The following TTC28 variants were observed in gnomAD, a reference collection of about 807,000 sequenced individuals.
The protein encoded by TTC28 is tetratricopeptide repeat protein 28.
In TTC28, 61 loss-of-function variants were observed where a neutral mutation model predicts 198.0. That is an observed-to-expected ratio of 0.31 (90% CI 0.25 to 0.38). The LOEUF (loss-of-function observed/expected upper bound fraction) is 0.38, where lower values mean the gene tolerates loss of function less well. Among genes scored for constraint, TTC28 ranks in the 10% least tolerant of loss-of-function variants. The pLI, the probability that TTC28 is intolerant of heterozygous loss-of-function variation, is 1.00. For missense variants in TTC28, 2,678 were observed against 3,164.0 expected, an observed-to-expected ratio of 0.85 and a Z score of 3.69; for synonymous variants, 1,171 against 1,297.8, an observed-to-expected ratio of 0.90 and a Z score of 2.10.
intron 12 of TTC28, among the ~76,000 whole-genome samples, chr22:28,035,385 A>C (rs1239437580): frequency 6.6e-6 from 1 of 152,202 alleles, no homozygotes; most frequent in Non-Finnish European, 1.5e-5. Flanking sequence ...CTTCTTTCAA[A>C]GCAAGGATCT....
chr22:28,188,087 A>G (rs1017757959), intron 5 of TTC28, among the ~76,000 whole-genome samples: 2 of 152,226 alleles, frequency 1.3e-5, no homozygotes, highest in Non-Finnish European at 2.9e-5. Context: ...ACTCGCTCAC[A>G]GTTTAGGCGG....
chr22:28,032,175 T>TATATATATATAAAATATATATATATAAA (rs1394968803), intron 12 of TTC28, among the ~76,000 whole-genome samples: 1 of 79,086 alleles, frequency 1.3e-5, no homozygotes, highest in Non-Finnish European at 2.3e-5. Flanking sequence ...TGTGTATATA[T>TATATATATATAAAATATATATATATAAA]ATATATATAT....
At chr22:28,246,348 C>A (rs544226311) in intron 5 of TTC28, among the ~76,000 whole-genome samples, 28 of 152,158 alleles carry the variant, frequency 1.8e-4, no homozygotes, top group Non-Finnish European at 3.7e-4. Flanking sequence ...CAAGGTCTGG[C>A]ATAAAACAGG....
chr22:28,178,481 G>A (rs1052941412), intron 5 of TTC28, among the ~76,000 whole-genome samples: 2 of 151,894 alleles, frequency 1.3e-5, no homozygotes, highest in African/African-American at 4.8e-5. Context: ...AGAGGAACGG[G>A]GGAGGGGAGG....
At chr22:28,450,318 A>T (rs1311194942) in intron 2 of TTC28, among the ~76,000 whole-genome samples, 1 of 152,202 alleles carries the variant, frequency 6.6e-6, no homozygotes, top group Non-Finnish European at 1.5e-5. Flanking sequence ...TTCACTGCTC[A>T]GATGGAATGT....
At chr22:28,352,312 C>CATATATATATATATATATATATAT (rs35793503) in intron 2 of TTC28, among the ~76,000 whole-genome samples, 22 of 142,764 alleles carry the variant, frequency 1.5e-4, no homozygotes, top group African/African-American at 5.6e-4. Context: ...GAGATATATA[C>CATATATATATATATATATATATAT]ATATATATAT....
At chr22:28,440,805 T>A (rs1463226634) in intron 2 of TTC28, among the ~76,000 whole-genome samples, 1 of 152,192 alleles carries the variant, frequency 6.6e-6, no homozygotes, top group Non-Finnish European at 1.5e-5. Flanking sequence ...AAAATAAACC[T>A]AATCTTTGTA....
At chr22:28,052,670 T>C (rs1272848357) in intron 12 of TTC28, among the ~76,000 whole-genome samples, 1 of 152,236 alleles carries the variant, frequency 6.6e-6, no homozygotes, top group Non-Finnish European at 1.5e-5. Context: ...AAAATTGTGT[T>C]GGCTATGGGG....
intron 2 of TTC28, among the ~76,000 whole-genome samples, chr22:28,609,076 A>G (rs956684361): frequency 6.6e-6 from 1 of 152,212 alleles, no homozygotes; most frequent in Non-Finnish European, 1.5e-5. Context: ...ACTGTTCATG[A>G]TAAGAAAATC....
At chr22:28,345,535 C>A (rs1220109749) in intron 2 of TTC28, among the ~76,000 whole-genome samples, 1 of 152,188 alleles carries the variant, frequency 6.6e-6, no homozygotes, top group Non-Finnish European at 1.5e-5. Context: ...TGAGCTTGCT[C>A]ACAGAGCCCA....
chr22:28,110,701 G>A (rs1302873728), intron 6 of TTC28, among the ~76,000 whole-genome samples: 2 of 152,148 alleles, frequency 1.3e-5, no homozygotes, highest in Non-Finnish European at 2.9e-5. Context: ...TTGGAAGGCT[G>A]AGGCAAGAGG....
intron 14 of TTC28, among the ~76,000 whole-genome samples, chr22:28,009,313 G>A (rs571512721): frequency 3.3e-5 from 5 of 152,214 alleles, no homozygotes; most frequent in African/African-American, 7.2e-5. Context: ...ATAGGACTGC[G>A]GCTAAACAAA....
chr22:28,408,601 G>A (rs755525123), intron 2 of TTC28, among the ~76,000 whole-genome samples: 10 of 152,186 alleles, frequency 6.6e-5, no homozygotes, highest in Admixed American at 2.6e-4. Flanking sequence ...ATGTTTGTCA[G>A]GCTGGTCTTG....
At chr22:28,627,432 T>C (rs923859197) in intron 2 of TTC28, among the ~76,000 whole-genome samples, 2 of 150,866 alleles carry the variant, frequency 1.3e-5, no homozygotes, top group South Asian at 2.1e-4. Flanking sequence ...AATTTTTCTT[T>C]TTCTTTTTTT....
At chr22:28,407,857 T>C (rs1489678123) in intron 2 of TTC28, among the ~76,000 whole-genome samples, 1 of 152,242 alleles carries the variant, frequency 6.6e-6, no homozygotes, top group Non-Finnish European at 1.5e-5. Flanking sequence ...CTATTGGATC[T>C]GGCATTATGC....
chr22:28,646,235 A>T (rs889725035), intron 1 of TTC28, among the ~76,000 whole-genome samples: 2 of 152,208 alleles, frequency 1.3e-5, no homozygotes, highest in Non-Finnish European at 2.9e-5. Context: ...ATGTACACAG[A>T]TCAGTGGCAC....
chr22:27,984,643 G>A (rs1404489467), intron 22 of TTC28, among the ~76,000 whole-genome samples: 3 of 152,100 alleles, frequency 2.0e-5, no homozygotes, highest in Non-Finnish European at 2.9e-5. Flanking sequence ...TCCCCAAACC[G>A]AATGTGTCCC....
At chr22:28,679,150 A>G (rs2052049453) in intron 1 of TTC28, among the ~76,000 whole-genome samples, 1 of 152,208 alleles carries the variant, frequency 6.6e-6, no homozygotes, top group Non-Finnish European at 1.5e-5. Flanking sequence ...AGCCACCGAC[A>G]GACTTGCTCG....
At chr22:28,145,003 A>T (rs1569161284) in intron 6 of TTC28, among the ~76,000 whole-genome samples, 1 of 152,252 alleles carries the variant, frequency 6.6e-6, no homozygotes, top group African/African-American at 2.4e-5. Flanking sequence ...CAGCTATGAA[A>T]TAAGTTGAGC....
Sources: gnomAD v4.1 joint callset for allele counts (sites outside exome capture counted in the v4.1 genomes callset) on GRCh38, gnomAD v4.1.1 for gene constraint, MANE v1.5 for transcripts, NCBI Gene and HGNC (gene_info 2026-07-23, HGNC 2026-07-21) for gene names.